Variants in NCEH1 observed in about 807,000 individuals in gnomAD.
The protein encoded by NCEH1 is neutral cholesterol ester hydrolase 1.
NCEH1 carries 9 observed loss-of-function variants against 25.4 expected under a neutral mutation model. That is an observed-to-expected ratio of 0.35 (90% CI 0.21 to 0.62). The LOEUF (loss-of-function observed/expected upper bound fraction) is 0.62. Ranked by LOEUF, NCEH1 falls within the 20% of genes least tolerant of loss-of-function variation. The probability of loss-of-function intolerance (pLI) is 0.72; values close to 1 mark genes in which losing one functional copy is unlikely to be tolerated. For synonymous variants in NCEH1, 200 were observed against 199.8 expected (o/e 1.00, Z -0.01); for missense variants, 412 against 501.1 (o/e 0.82, Z 1.70).
chr3:172,686,401 G>C (rs1314770344), intron 1 of NCEH1, among the ~76,000 whole-genome samples: 1 of 152,220 alleles, frequency 6.6e-6, no homozygotes, highest in East Asian at 1.9e-4. Flanking sequence ...TTCACATAGT[G>C]ACTAGTGTTC....
At chr3:172,689,484 T>C (rs543876697) in intron 1 of NCEH1, among the ~76,000 whole-genome samples, 1 of 151,560 alleles carries the variant, frequency 6.6e-6, no homozygotes, top group African/African-American at 2.4e-5. Context: ...TGACCTCAGG[T>C]GATCTACCCG....
rs1004895993 is a variant in NCEH1, at chr3:172,632,868, C to A, written c.*607G>T. Reference sequence around the variant, plus strand: ...TATTCCTGTAATCCAACTGGACTTACAGATAGCGATCTCATAAAATGAACA... The same window carrying A: ...TATTCCTGTAATCCAACTGGACTTAAAGATAGCGATCTCATAAAATGAACA... On this transcript the variant is annotated 3_prime_UTR_variant, in exon 5 of 5. Transcript: ENST00000475381. 6.5e-6 allele frequency: 1 copy of A among 152,704 alleles called. No individual in the cohort carries two copies. The highest frequency in any genetic ancestry group is 1.5e-5 in the Non-Finnish European group (1 of 68,082). The allele number at this position is 152,704 out of a possible 1,614,324, so 9.5% of individuals were successfully genotyped here.
At chr3:172,682,438 G>T (rs894773035) in intron 1 of NCEH1, among the ~76,000 whole-genome samples, 1 of 152,100 alleles carries the variant, frequency 6.6e-6, no homozygotes, top group Admixed American at 6.5e-5. Context: ...TGGGTCTGGG[G>T]GGGTAATGGT....
chr3:172,660,122 T>TC (rs1717903122), intron 1 of NCEH1, among the ~76,000 whole-genome samples: 1 of 132,952 alleles, frequency 7.5e-6, no homozygotes, highest in Non-Finnish European at 1.6e-5. Flanking sequence ...CCTAATGCTA[T>TC]CCCTCCCCCC....
intron 1 of NCEH1, among the ~76,000 whole-genome samples, chr3:172,673,936 T>G (rs1163155934): frequency 1.3e-5 from 2 of 152,148 alleles, no homozygotes; most frequent in East Asian, 3.9e-4. Context: ...TTCACCGAGC[T>G]TTTTACTTGG....
intron 1 of NCEH1, among the ~76,000 whole-genome samples, chr3:172,663,829 T>A (rs1718082313): frequency 6.6e-6 from 1 of 152,166 alleles, no homozygotes; most frequent in African/African-American, 2.4e-5. Context: ...TCTTCCTCCA[T>A]CCCTTTATTT....
chr3:172,673,706 GC>G (rs2108514287), intron 1 of NCEH1, among the ~76,000 whole-genome samples: 1 of 152,272 alleles, frequency 6.6e-6, no homozygotes, highest in African/African-American at 2.4e-5. Context: ...AGCTGATCAG[GC>G]AGCCAAGTCA....
At chr3:172,656,893 A>AATGCCG (rs777351601) in intron 1 of NCEH1, among the ~76,000 whole-genome samples, 11 of 152,278 alleles carry the variant, frequency 7.2e-5, no homozygotes, top group South Asian at 6.2e-4. Context: ...CCCCAATGCC[A>AATGCCG]ATGCCGATGC....
At chr3:172,690,894 A>T (rs943840024) in intron 1 of NCEH1, among the ~76,000 whole-genome samples, 47 of 152,070 alleles carry the variant, frequency 3.1e-4, no homozygotes, top group African/African-American at 1.0e-3. Context: ...CTATAGCATG[A>T]TTATCTACCT....
chr3:172,682,165 C>T (rs4894576), intron 1 of NCEH1, among the ~76,000 whole-genome samples: 51,993 of 151,978 alleles, frequency 0.34, 9,154 homozygotes, highest in South Asian at 0.4. Context: ...AGGAAAACTG[C>T]CACTTCAAGT....
chr3:172,678,850 T>C (rs1304813466), intron 1 of NCEH1, among the ~76,000 whole-genome samples: 4 of 152,178 alleles, frequency 2.6e-5, no homozygotes, highest in Non-Finnish European at 5.9e-5. Flanking sequence ...CCGTTTGAAA[T>C]GCTTGTTCCC....
At chr3:172,670,457 T>C (rs1464560783) in intron 1 of NCEH1, among the ~76,000 whole-genome samples, 1 of 152,208 alleles carries the variant, frequency 6.6e-6, no homozygotes, top group Non-Finnish European at 1.5e-5. Context: ...GTTTGGGATA[T>C]CATCAAGTAC....
intron 3 of NCEH1, among the ~76,000 whole-genome samples, chr3:172,645,180 C>A (rs1051375068): frequency 6.6e-6 from 1 of 152,128 alleles, no homozygotes; most frequent in African/African-American, 2.4e-5. Context: ...ACTACTATTA[C>A]TACTAACCAC....
At chr3:172,650,387 TAA>T (rs1388670598) in intron 1 of NCEH1, among the ~76,000 whole-genome samples, 1 of 151,850 alleles carries the variant, frequency 6.6e-6, no homozygotes, top group African/African-American at 2.4e-5. Flanking sequence ...CTCACGCCTG[TAA>T]TCCCAGCACT....
intron 1 of NCEH1, among the ~76,000 whole-genome samples, chr3:172,707,149 T>C (rs1447702924): frequency 6.6e-6 from 1 of 152,194 alleles, no homozygotes. Context: ...TATTTTAACC[T>C]GCACTGAGAT....
At chr3:172,658,020 T>C (rs1560188596) in intron 1 of NCEH1, among the ~76,000 whole-genome samples, 1 of 152,198 alleles carries the variant, frequency 6.6e-6, no homozygotes, top group Non-Finnish European at 1.5e-5. Context: ...GGCTGCATTC[T>C]CAGATGGTTA....
At chr3:172,681,403 AT>A (rs1245577767) in intron 1 of NCEH1, among the ~76,000 whole-genome samples, 1 of 152,192 alleles carries the variant, frequency 6.6e-6, no homozygotes, top group Non-Finnish European at 1.5e-5. Flanking sequence ...AAATTTTCAA[AT>A]TTTCATTTTG....
At chr3:172,641,276 T>C (rs1311447146) in intron 3 of NCEH1, among the ~76,000 whole-genome samples, 1 of 152,138 alleles carries the variant, frequency 6.6e-6, no homozygotes, top group Non-Finnish European at 1.5e-5. Context: ...ATTGTGCAAT[T>C]AATATGTAAA....
At chr3:172,695,054 T>C (rs1713283083) in intron 1 of NCEH1, among the ~76,000 whole-genome samples, 1 of 152,242 alleles carries the variant, frequency 6.6e-6, no homozygotes, top group Admixed American at 6.5e-5. Flanking sequence ...AGAGAGGACA[T>C]GGTATATTTC....
Sources: allele counts gnomAD v4.1 joint callset (sites outside exome capture counted in the v4.1 genomes callset), GRCh38; gene constraint gnomAD v4.1.1; transcripts MANE v1.5; gene names NCBI Gene and HGNC (gene_info 2026-07-23, HGNC 2026-07-21).